Variants in FER observed in about 807,000 individuals in gnomAD.
FER encodes tyrosine-protein kinase Fer.
FER carries 63 observed loss-of-function variants against 111.0 expected under a neutral mutation model. That is an observed-to-expected ratio of 0.57 (90% CI 0.46 to 0.70). The LOEUF (loss-of-function observed/expected upper bound fraction) is 0.70, where lower values mean the gene tolerates loss of function less well. Among genes scored for constraint, FER ranks in the 30% least tolerant of loss-of-function variants. FER has a pLI of 0.00. For missense variants in FER, 914 were observed against 954.0 expected (o/e 0.96, Z 0.55); for synonymous variants, 327 against 313.9 (o/e 1.04, Z -0.44).
At chr5:108,928,710 T>C (rs1379492334) in intron 10 of FER, among the ~76,000 whole-genome samples, 1 of 151,946 alleles carries the variant, frequency 6.6e-6, no homozygotes, top group East Asian at 1.9e-4. Flanking sequence ...TACATGCATA[T>C]ATATATGTAT....
chr5:109,002,578 C>T (rs1202507330), intron 13 of FER, among the ~76,000 whole-genome samples: 1 of 152,100 alleles, frequency 6.6e-6, no homozygotes, highest in Non-Finnish European at 1.5e-5. Flanking sequence ...GACTTCATGT[C>T]TAGAACAGCA....
At chr5:108,849,485 T>TG (rs1554078088) in intron 5 of FER, among the ~76,000 whole-genome samples, 1 of 151,906 alleles carries the variant, frequency 6.6e-6, no homozygotes, top group Non-Finnish European at 1.5e-5. Flanking sequence ...GTTGTTTTGT[T>TG]TTGTTGTTGT....
At chr5:109,094,803 C>G (rs976634193) in intron 16 of FER, among the ~76,000 whole-genome samples, 1 of 152,082 alleles carries the variant, frequency 6.6e-6, no homozygotes, top group Non-Finnish European at 1.5e-5. Flanking sequence ...CCAAAATCAC[C>G]GCCTTAAAAA....
chr5:109,023,046 T>G (rs1478949992), intron 13 of FER, among the ~76,000 whole-genome samples: 1 of 152,096 alleles, frequency 6.6e-6, no homozygotes, highest in Non-Finnish European at 1.5e-5. Context: ...GTAAAATGTA[T>G]GTAAAGGGAG....
intron 14 of FER, among the ~76,000 whole-genome samples, chr5:109,041,217 G>A (rs1771135496): frequency 6.6e-6 from 1 of 152,148 alleles, no homozygotes; most frequent in Non-Finnish European, 1.5e-5. Context: ...TATAGGTGCA[G>A]AATAGGCAGA....
chr5:108,857,298 G>C (rs1041971715), intron 5 of FER, among the ~76,000 whole-genome samples: 2 of 152,084 alleles, frequency 1.3e-5, no homozygotes, highest in African/African-American at 4.8e-5. Flanking sequence ...GTATAGAACA[G>C]TTATTTTATG....
chr5:108,773,439 A>G (rs1469404749), intron 2 of FER, among the ~76,000 whole-genome samples: 1 of 152,054 alleles, frequency 6.6e-6, no homozygotes, highest in Non-Finnish European at 1.5e-5. Flanking sequence ...GAGTAAGAAC[A>G]TGTGGTATTT....
At chr5:108,996,698 G>A (rs1764023299) in intron 13 of FER, among the ~76,000 whole-genome samples, 1 of 152,150 alleles carries the variant, frequency 6.6e-6, no homozygotes, top group African/African-American at 2.4e-5. Flanking sequence ...GTAGCATGAT[G>A]CCTCCAGCAT....
At chr5:109,006,701 A>T (rs1466752383) in intron 13 of FER, among the ~76,000 whole-genome samples, 1 of 152,074 alleles carries the variant, frequency 6.6e-6, no homozygotes, top group Admixed American at 6.6e-5. Flanking sequence ...GAGAATTGTT[A>T]TTTACATGTG....
intron 2 of FER, among the ~76,000 whole-genome samples, chr5:108,773,703 A>G (rs1753174481): frequency 6.6e-6 from 1 of 152,136 alleles, no homozygotes. Flanking sequence ...TTCACTGGGT[A>G]TATACCCAGT....
chr5:109,064,906 G>C (rs905014713), intron 16 of FER, among the ~76,000 whole-genome samples: 2 of 151,966 alleles, frequency 1.3e-5, no homozygotes, highest in African/African-American at 4.8e-5. Flanking sequence ...TTATATTTTT[G>C]TTACTATACA....
At chr5:109,080,181 A>G (rs1776831397) in intron 16 of FER, among the ~76,000 whole-genome samples, 1 of 152,072 alleles carries the variant, frequency 6.6e-6, no homozygotes. Context: ...GTAAGAAATA[A>G]TCTGTGATAA....
chr5:108,911,559 T>G (rs1456537867), intron 10 of FER, among the ~76,000 whole-genome samples: 1 of 151,970 alleles, frequency 6.6e-6, no homozygotes, highest in Non-Finnish European at 1.5e-5. Flanking sequence ...TCTGGAAGAG[T>G]GTTTCTTAGG....
chr5:109,067,498 C>T (rs574626653), intron 16 of FER, among the ~76,000 whole-genome samples: 1 of 151,900 alleles, frequency 6.6e-6, no homozygotes, highest in East Asian at 1.9e-4. Flanking sequence ...TATTTTTTAT[C>T]ACAAATGATA....
At chr5:108,817,908 T>C (rs1375298380) in intron 3 of FER, 1 of 152,214 alleles carries the variant, frequency 6.6e-6, no homozygotes, top group Non-Finnish European at 1.5e-5. Context: ...TCTATAGTCT[T>C]CCTAAGCATA....
intron 10 of FER, among the ~76,000 whole-genome samples, chr5:108,913,627 C>T (rs1287644124): frequency 6.6e-6 from 1 of 152,052 alleles, no homozygotes; most frequent in East Asian, 1.9e-4. Context: ...ATGTGTACAC[C>T]CTGTGACTCA....
chr5:108,953,099 A>T (rs1348073901), intron 11 of FER, among the ~76,000 whole-genome samples: 2 of 151,988 alleles, frequency 1.3e-5, no homozygotes, highest in African/African-American at 4.8e-5. Context: ...TTAAAATAAA[A>T]TTTTTGATTA....
At chr5:109,165,997 T>A (rs1040399227) in intron 17 of FER, among the ~76,000 whole-genome samples, 2 of 152,136 alleles carry the variant, frequency 1.3e-5, no homozygotes, top group Non-Finnish European at 2.9e-5. Context: ...TCCAGCAGTC[T>A]ATCAGGGTTG....
At chr5:109,002,511 A>G (rs1039635829) in intron 13 of FER, among the ~76,000 whole-genome samples, 6 of 152,120 alleles carry the variant, frequency 3.9e-5, no homozygotes, top group Admixed American at 1.3e-4. Flanking sequence ...ACCTAAAACC[A>G]TAAAAACCCT....
Sources: allele counts gnomAD v4.1 joint callset (sites outside exome capture counted in the v4.1 genomes callset), GRCh38; gene constraint gnomAD v4.1.1; transcripts MANE v1.5; gene names NCBI Gene and HGNC (gene_info 2026-07-23, HGNC 2026-07-21).